The following POLA1 variants were observed in gnomAD, a reference collection of about 807,000 sequenced individuals.
POLA1 encodes the protein DNA polymerase alpha catalytic subunit.
POLA1 carries 15 observed loss-of-function variants against 124.0 expected under a neutral mutation model. The observed-to-expected ratio is 0.12, with a 90% CI of 0.08 to 0.19. The LOEUF (loss-of-function observed/expected upper bound fraction) is 0.19. POLA1 is among the 10% of genes least tolerant of loss of function. POLA1 has a pLI of 1.00. For synonymous variants in POLA1, 408 were observed against 389.4 expected (o/e 1.05, Z -0.56); for missense variants, 886 against 1,103.4 (o/e 0.80, Z 2.79).
At chrX:24,880,619 A>G (rs1257253184) in intron 34 of POLA1, among the ~76,000 whole-genome samples, 1 of 111,677 alleles carries the variant, frequency 9.0e-6, no homozygotes, top group East Asian at 2.8e-4. Context: ...TTGGGTACAA[A>G]TGTGGGTCAG....
intron 28 of POLA1, 128 bp from the exon 29 acceptor site, chrX:24,812,530 C>A: frequency 2.2e-6 from 1 of 448,404 alleles, no homozygotes. Flanking sequence ...TACATACAAG[C>A]CAAGTAAAAT....
intron 36 of POLA1, among the ~76,000 whole-genome samples, chrX:24,963,310 C>T (rs1170237332): frequency 1.8e-5 from 2 of 111,762 alleles, no homozygotes; most frequent in African/African-American, 6.5e-5. Context: ...GAAGAAAGAG[C>T]CATCTTGCCC....
At chrX:24,935,070 C>CTG (rs1474021627) in intron 36 of POLA1, among the ~76,000 whole-genome samples, 1 of 111,821 alleles carries the variant, frequency 8.9e-6, no homozygotes, top group Non-Finnish European at 1.9e-5. Context: ...TGTCTTCCCT[C>CTG]TGTACCTAAT....
chrX:24,717,931 G>C (rs1447875894), intron 10 of POLA1, among the ~76,000 whole-genome samples, 173 bp downstream of exon 10: 1 of 109,890 alleles, frequency 9.1e-6, no homozygotes, highest in East Asian at 2.8e-4. Flanking sequence ...CTCAGGTCAG[G>C]CCCTGCCCTC....
chrX:24,744,293 G>A (rs1444488776), intron 23 of POLA1: 11 of 190,117 alleles, frequency 5.8e-5, no homozygotes, highest in Non-Finnish European at 1.1e-4. Context: ...ATCTTGGGCT[G>A]CCTGTTTAAC....
intron 32 of POLA1, among the ~76,000 whole-genome samples, chrX:24,836,656 G>A (rs1008149736): frequency 1.8e-5 from 2 of 111,807 alleles, no homozygotes; most frequent in Non-Finnish European, 3.8e-5. Context: ...TGAGGTGCCT[G>A]TTCAAGTCTT....
At chrX:24,927,142 G>A in intron 35 of POLA1, among the ~76,000 whole-genome samples, 1 of 110,492 alleles carries the variant, frequency 9.1e-6, no homozygotes, top group East Asian at 2.9e-4. Context: ...CCAGCTATCA[G>A]TACTTTTTTT....
At chrX:24,788,568 C>T (rs1042119915) in intron 26 of POLA1, 1 of 1,192,290 alleles carries the variant, frequency 8.4e-7, no homozygotes, top group African/African-American at 1.7e-5. Flanking sequence ...ACTAAGCCGT[C>T]TGCTTGAATG....
At chrX:24,906,063 T>C (rs772603865) in intron 35 of POLA1, among the ~76,000 whole-genome samples, 2 of 111,977 alleles carry the variant, frequency 1.8e-5, no homozygotes, top group African/African-American at 6.5e-5. Flanking sequence ...CTGGTGGGAA[T>C]GTAAACTAGT....
chrX:24,778,438 C>T (rs898945669), intron 26 of POLA1, among the ~76,000 whole-genome samples: 11 of 111,588 alleles, frequency 9.9e-5, no homozygotes, highest in African/African-American at 3.3e-4. Context: ...ACCATGTTGG[C>T]CAGGCTGGTC....
intron 36 of POLA1, among the ~76,000 whole-genome samples, chrX:24,979,068 C>T (rs1306514545): frequency 1.8e-5 from 2 of 112,132 alleles, no homozygotes; most frequent in Non-Finnish European, 3.8e-5. Flanking sequence ...CATGTCTATT[C>T]CTCTTTTTCC....
At chrX:24,819,212 A>G (rs1210922261) in intron 30 of POLA1, among the ~76,000 whole-genome samples, 3 of 112,712 alleles carry the variant, frequency 2.7e-5, no homozygotes, top group East Asian at 2.8e-4. Context: ...TCATTGTACA[A>G]TATCAAAAAT....
chrX:24,936,930 C>T (rs573327705), intron 36 of POLA1, among the ~76,000 whole-genome samples: 4 of 111,980 alleles, frequency 3.6e-5, no homozygotes, highest in Admixed American at 9.4e-5. Context: ...CAAAACAGTT[C>T]GCATCTATTC....
intron 36 of POLA1, among the ~76,000 whole-genome samples, chrX:24,962,640 A>T (rs901397527): frequency 3.6e-5 from 4 of 111,762 alleles, no homozygotes; most frequent in African/African-American, 1.3e-4. Flanking sequence ...TGAATAGCTT[A>T]CTTGGTAAAT....
intron 19 of POLA1, among the ~76,000 whole-genome samples, 194 bp downstream of exon 19, chrX:24,737,935 C>T (rs1230992598): frequency 4.0e-5 from 4 of 99,950 alleles, no homozygotes; most frequent in South Asian, 3.9e-4. Flanking sequence ...TAGTTTTGGC[C>T]GGGCGCGGTG....
intron 36 of POLA1, among the ~76,000 whole-genome samples, chrX:24,978,102 TA>T (rs2048385264): frequency 1.8e-5 from 2 of 112,046 alleles, no homozygotes; most frequent in Admixed American, 9.5e-5. Context: ...TCCCTTACTG[TA>T]ATTTGAGTGA....
At chrX:24,697,449 A>C (rs929390939) in intron 1 of POLA1, among the ~76,000 whole-genome samples, 1 of 112,174 alleles carries the variant, frequency 8.9e-6, no homozygotes, top group Non-Finnish European at 1.9e-5. Context: ...TGTGGCTGTC[A>C]TCATTAAGTA....
At chrX:24,862,367 G>A (rs891769951) in intron 34 of POLA1, among the ~76,000 whole-genome samples, 2 of 111,309 alleles carry the variant, frequency 1.8e-5, no homozygotes, top group Admixed American at 9.5e-5. Flanking sequence ...AGAAACGTGG[G>A]GAAAAAGCAT....
At chrX:24,884,122 A>G (rs914348877) in intron 34 of POLA1, among the ~76,000 whole-genome samples, 1 of 111,680 alleles carries the variant, frequency 9.0e-6, no homozygotes, top group Non-Finnish European at 1.9e-5. Flanking sequence ...GAATATTTTC[A>G]AATACCTGTT....
Sources: gnomAD v4.1 joint callset for allele counts (sites outside exome capture counted in the v4.1 genomes callset) on GRCh38, gnomAD v4.1.1 for gene constraint, MANE v1.5 for transcripts, NCBI Gene and HGNC (gene_info 2026-07-23, HGNC 2026-07-21) for gene names.